The following SPIDR variants were observed in gnomAD, a reference collection of about 807,000 sequenced individuals.
The protein encoded by SPIDR is scaffold protein involved in DNA repair.
A neutral mutation model predicts 104.6 loss-of-function variants in SPIDR; 93 were observed. The ratio of observed to expected loss-of-function variants is 0.89; its 90% CI spans 0.75 to 1.06. SPIDR has a LOEUF of 1.06. Ranked by LOEUF, SPIDR falls within the 50% of genes least tolerant of loss-of-function variation. The probability of loss-of-function intolerance (pLI) is 0.00; values close to 1 mark genes in which losing one functional copy is unlikely to be tolerated. For synonymous variants in SPIDR, 431 were observed against 416.9 expected, an observed-to-expected ratio of 1.03 and a Z score of -0.41; for missense variants, 1,154 against 1,111.2, an observed-to-expected ratio of 1.04 and a Z score of -0.55.
At chr8:47,651,427 T>C (rs1588839815) in intron 10 of SPIDR, among the ~76,000 whole-genome samples, 1 of 152,092 alleles carries the variant, frequency 6.6e-6, no homozygotes, top group East Asian at 1.9e-4. Flanking sequence ...AGAATGGACA[T>C]TATTTTGAAA....
chr8:47,374,400 T>C (rs782406491), intron 5 of SPIDR, among the ~76,000 whole-genome samples: 9 of 152,178 alleles, frequency 5.9e-5, no homozygotes, highest in Non-Finnish European at 1.2e-4. Context: ...AGTTACTCAT[T>C]TAAACTTGTA....
chr8:47,289,952 C>T (rs1368379725), intron 3 of SPIDR, among the ~76,000 whole-genome samples: 1 of 152,108 alleles, frequency 6.6e-6, no homozygotes, highest in Non-Finnish European at 1.5e-5. Context: ...TGTTGATACA[C>T]ACAACTTAGA....
At chr8:47,299,702 A>G (rs1586575172) in intron 5 of SPIDR, among the ~76,000 whole-genome samples, 2 of 152,128 alleles carry the variant, frequency 1.3e-5, no homozygotes, top group African/African-American at 4.8e-5. Flanking sequence ...GCATCTATTG[A>G]GATAATTATG....
chr8:47,399,318 C>G (rs1280850800), intron 6 of SPIDR, among the ~76,000 whole-genome samples: 1 of 152,112 alleles, frequency 6.6e-6, no homozygotes, highest in African/African-American at 2.4e-5. Flanking sequence ...CGGGCAGCAC[C>G]CATGCAGGTG....
At chr8:47,446,382 C>T (rs533848869) in intron 8 of SPIDR, among the ~76,000 whole-genome samples, 1 of 152,184 alleles carries the variant, frequency 6.6e-6, no homozygotes, top group East Asian at 1.9e-4. Flanking sequence ...ACTTTTGAGA[C>T]CTACTACTGA....
intron 10 of SPIDR, among the ~76,000 whole-genome samples, chr8:47,633,497 T>C (rs1322280273): frequency 6.7e-6 from 1 of 149,796 alleles, no homozygotes; most frequent in Non-Finnish European, 1.5e-5. Context: ...ATCTGATGTG[T>C]ATAAGAGGAT....
chr8:47,622,611 G>C (rs1159507456), intron 10 of SPIDR, among the ~76,000 whole-genome samples: 1 of 152,104 alleles, frequency 6.6e-6, no homozygotes, highest in Non-Finnish European at 1.5e-5. Context: ...CAGGAGGATG[G>C]GGGTGACTCG....
chr8:47,433,720 G>A (rs1045699434), intron 7 of SPIDR, among the ~76,000 whole-genome samples: 1 of 152,172 alleles, frequency 6.6e-6, no homozygotes, highest in Non-Finnish European at 1.5e-5. Context: ...ATTGAATTTT[G>A]TTTATATAAT....
At chr8:47,704,854 G>A (rs2080846870) in intron 14 of SPIDR, among the ~76,000 whole-genome samples, 1 of 152,112 alleles carries the variant, frequency 6.6e-6, no homozygotes, top group Non-Finnish European at 1.5e-5. Context: ...GACGAGGCAG[G>A]GCACGTGCTA....
chr8:47,352,152 C>T (rs1394691320), intron 5 of SPIDR, among the ~76,000 whole-genome samples: 1 of 151,942 alleles, frequency 6.6e-6, no homozygotes, highest in Non-Finnish European at 1.5e-5. Context: ...TGGTGCGTGC[C>T]TGTAATCCCA....
chr8:47,498,370 C>T (rs549582897), intron 8 of SPIDR, among the ~76,000 whole-genome samples: 77 of 152,164 alleles, frequency 5.1e-4, no homozygotes, highest in Admixed American at 1.2e-3. Flanking sequence ...GTTAAATATG[C>T]TCTTTTATGA....
chr8:47,313,750 A>G (rs146606513), intron 5 of SPIDR, among the ~76,000 whole-genome samples: 24 of 152,356 alleles, frequency 1.6e-4, no homozygotes, highest in Non-Finnish European at 2.9e-4. Context: ...GCCCTCAGAA[A>G]TAATGCCACA....
At chr8:47,680,143 A>T (rs968683096) in intron 11 of SPIDR, among the ~76,000 whole-genome samples, 13 of 152,268 alleles carry the variant, frequency 8.5e-5, no homozygotes, top group Admixed American at 7.9e-4. Flanking sequence ...GGGAAAGTGA[A>T]CATGGGCATG....
At chr8:47,726,381 T>C (rs1470455388) in intron 16 of SPIDR, among the ~76,000 whole-genome samples, 1 of 152,228 alleles carries the variant, frequency 6.6e-6, no homozygotes, top group African/African-American at 2.4e-5. Flanking sequence ...GGAAGACCTT[T>C]CTATTTTTCT....
At chr8:47,632,209 A>C (rs2067174580) in intron 10 of SPIDR, among the ~76,000 whole-genome samples, 2 of 152,152 alleles carry the variant, frequency 1.3e-5, no homozygotes, top group South Asian at 4.1e-4. Context: ...GGTTCACCCT[A>C]CTGAGAGTGA....
chr8:47,715,845 GTA>G (rs996010984), intron 16 of SPIDR, among the ~76,000 whole-genome samples: 8 of 152,100 alleles, frequency 5.3e-5, no homozygotes, highest in Non-Finnish European at 1.0e-4. Context: ...GAAATTTGGG[GTA>G]TGAATCCAGG....
chr8:47,649,434 A>G (rs960288719), intron 10 of SPIDR, among the ~76,000 whole-genome samples: 1 of 152,222 alleles, frequency 6.6e-6, no homozygotes, highest in Non-Finnish European at 1.5e-5. Context: ...TATGAAAGTC[A>G]AGGAAAGACT....
intron 5 of SPIDR, among the ~76,000 whole-genome samples, chr8:47,341,958 A>G (rs1041883229): frequency 1.3e-5 from 2 of 152,116 alleles, no homozygotes; most frequent in Admixed American, 6.6e-5. Context: ...AATACCACCA[A>G]TGTATTTGCT....
intron 5 of SPIDR, among the ~76,000 whole-genome samples, chr8:47,319,290 C>G (rs1482121565): frequency 6.6e-6 from 1 of 152,110 alleles, no homozygotes; most frequent in Non-Finnish European, 1.5e-5. Flanking sequence ...GCAGGGGTTT[C>G]AATCCTAGTC....
Sources: gnomAD v4.1 joint callset for allele counts (sites outside exome capture counted in the v4.1 genomes callset) on GRCh38, gnomAD v4.1.1 for gene constraint, MANE v1.5 for transcripts, NCBI Gene and HGNC (gene_info 2026-07-23, HGNC 2026-07-21) for gene names.